The following FARP2 variants were observed in gnomAD, a reference collection of about 807,000 sequenced individuals.
The protein encoded by FARP2 is FERM, ARHGEF and pleckstrin domain-containing protein 2.
A neutral mutation model predicts 130.5 loss-of-function variants in FARP2; 111 were observed. The ratio of observed to expected loss-of-function variants is 0.85; its 90% CI spans 0.73 to 1.00. The LOEUF (loss-of-function observed/expected upper bound fraction) is 1.00. Ranked by LOEUF, FARP2 falls within the 50% of genes least tolerant of loss-of-function variation. FARP2 has a pLI of 0.00. For missense variants in FARP2, 1,385 were observed against 1,346.3 expected, an observed-to-expected ratio of 1.03 and a Z score of -0.45; for synonymous variants, 504 against 516.9, an observed-to-expected ratio of 0.98 and a Z score of 0.34.
Position 241,442,732 on chromosome 2 carries a change from C to G in FARP2, c.1411+1176C>G, listed in dbSNP as rs111709784. On this transcript the variant is annotated intron_variant, in intron 13 of 26. Coordinates refer to ENST00000264042, the MANE Select transcript of FARP2 (RefSeq NM_014808.4). ...ACTTGGAATGACGTAAAAGCTATGC[C>G]TCCGGTCTTAGACCTGAGTACTCCA... is the stretch of plus-strand genomic sequence containing the variant. 4.7e-3 allele frequency: 1,585 copies of G among 337,716 alleles called. 25 individuals carry two copies. The highest frequency in any genetic ancestry group is 0.032 in the African/African-American group (1,495 of 46,470). The allele number at this position is 337,716 out of a possible 1,614,324, so 20.9% of individuals were successfully genotyped here.
At chr2:241,365,898 A>G (rs926595815) in intron 1 of FARP2, among the ~76,000 whole-genome samples, 1 of 151,006 alleles carries the variant, frequency 6.6e-6, no homozygotes, top group Admixed American at 6.6e-5. Context: ...AACACCGTGT[A>G]CAGTTTCCAA....
At chr2:241,385,668 C>T (rs184724594) in intron 2 of FARP2, among the ~76,000 whole-genome samples, 14 of 151,978 alleles carry the variant, frequency 9.2e-5, no homozygotes, top group African/African-American at 2.9e-4. Context: ...TGCAGTGAGC[C>T]GTGATTGCAC....
At chr2:241,399,394 T>G (rs573998840) in intron 2 of FARP2, among the ~76,000 whole-genome samples, 2 of 152,294 alleles carry the variant, frequency 1.3e-5, no homozygotes, top group East Asian at 3.9e-4. Flanking sequence ...CAACCTCCAC[T>G]CCCAGGTTCA....
rs1310567835 is a variant in FARP2, at chr2:241,368,908, C to T, written c.-24-4176C>T. ...ATCTTAAAGCTGAGTAATTATTAAA[C>T]GGATAGTTTATGCCACGTTACTATT... is the stretch of plus-strand genomic sequence containing the variant. On this transcript the variant is annotated intron_variant, in intron 1 of 26. Transcript: ENST00000264042. Among the ~76,000 whole-genome samples, 79 of 152,178 alleles carry T rather than the reference C, an allele frequency of 5.2e-4. 1 individual carries two copies. The highest frequency in any genetic ancestry group is 5.9e-5 in the Non-Finnish European group (4 of 68,018).
At chr2:241,374,468 G>T (rs1015038473) in intron 2 of FARP2, among the ~76,000 whole-genome samples, 1 of 152,284 alleles carries the variant, frequency 6.6e-6, no homozygotes, top group African/African-American at 2.4e-5. Flanking sequence ...ACTAGCAGGA[G>T]GTTTATTTAC....
intron 2 of FARP2, among the ~76,000 whole-genome samples, chr2:241,392,559 A>T (rs2061932719): frequency 6.6e-6 from 1 of 152,164 alleles, no homozygotes; most frequent in African/African-American, 2.4e-5. Context: ...GAGATGATTT[A>T]TCTGCCAGTT....
At chr2:241,481,545 G>A (rs999937111) in intron 19 of FARP2, among the ~76,000 whole-genome samples, 1 of 152,252 alleles carries the variant, frequency 6.6e-6, no homozygotes, top group Non-Finnish European at 1.5e-5. Context: ...CACTTTGGGA[G>A]TCTGGGCTTT....
chr2:241,490,492 C>A (rs1203126175), intron 22 of FARP2, among the ~76,000 whole-genome samples: 2 of 152,246 alleles, frequency 1.3e-5, no homozygotes, highest in Admixed American at 6.5e-5. Context: ...TATAGACTCA[C>A]ATGAGGCAGC....
At chr2:241,451,561 T>C (rs1559783477) in intron 13 of FARP2, among the ~76,000 whole-genome samples, 1 of 152,170 alleles carries the variant, frequency 6.6e-6, no homozygotes. Flanking sequence ...TTGTATATGA[T>C]ACGAATTTTA....
At chr2:241,442,051 G>A (rs759358426) in intron 13 of FARP2, 70 of 361,718 alleles carry the variant, frequency 1.9e-4, no homozygotes, top group African/African-American at 1.3e-3. Flanking sequence ...CAATGGGAAC[G>A]CACACCCCTC....
At chr2:241,387,985 A>AT (rs2061827597) in intron 2 of FARP2, among the ~76,000 whole-genome samples, 1 of 152,186 alleles carries the variant, frequency 6.6e-6, no homozygotes, top group Non-Finnish European at 1.5e-5. Flanking sequence ...TATTGTTAAG[A>AT]TGGCAATACT....
At chr2:241,486,897 C>T (rs1020758942) in intron 21 of FARP2, among the ~76,000 whole-genome samples, 3 of 152,322 alleles carry the variant, frequency 2.0e-5, no homozygotes, top group Admixed American at 6.5e-5. Flanking sequence ...AAGTGCTAGG[C>T]ACCTGTCTCT....
At chr2:241,400,784 A>G (rs2062146498) in intron 2 of FARP2, among the ~76,000 whole-genome samples, 2 of 152,168 alleles carry the variant, frequency 1.3e-5, no homozygotes, top group Admixed American at 1.3e-4. Context: ...GTGATCCTGG[A>G]TGGAAGTGTG....
chr2:241,468,510 T>C, intron 18 of FARP2, 133 bp downstream of exon 18: 2 of 673,780 alleles, frequency 3.0e-6, no homozygotes, highest in Non-Finnish European at 5.2e-6. Flanking sequence ...TGGACCACAG[T>C]GGTCAGCATT....
At chr2:241,478,902 T>G in intron 19 of FARP2, 1 of 393,808 alleles carries the variant, frequency 2.5e-6, no homozygotes, top group Non-Finnish European at 4.9e-6. Context: ...CTCTATGTGG[T>G]GTCCAAGAAA....
At chr2:241,396,112 G>C (rs2062021842) in intron 2 of FARP2, 4 of 152,062 alleles carry the variant, frequency 2.6e-5, no homozygotes, top group Admixed American at 6.6e-5. Flanking sequence ...AAATGGTGCT[G>C]GGAAAACTGG....
chr2:241,464,441 AC>A (rs2064114680), intron 17 of FARP2, among the ~76,000 whole-genome samples: 1 of 138,940 alleles, frequency 7.2e-6, no homozygotes, highest in Non-Finnish European at 1.6e-5. Flanking sequence ...AGAGCAGGGG[AC>A]CCCTCAAAAC....
intron 17 of FARP2, chr2:241,465,787 TG>T: frequency 6.5e-7 from 1 of 1,550,148 alleles, no homozygotes; most frequent in Admixed American, 2.0e-5. Context: ...ATCCCTCGCC[TG>T]TCCCACCTTC....
intron 22 of FARP2, 33 bp from the exon 23 acceptor site, chr2:241,491,028 C>A: frequency 1.3e-6 from 2 of 1,519,348 alleles, no homozygotes; most frequent in Non-Finnish European, 1.8e-6. Flanking sequence ...CAAGGAAGAG[C>A]AGAGCCACTG....
Sources: allele counts gnomAD v4.1 joint callset (sites outside exome capture counted in the v4.1 genomes callset), GRCh38; gene constraint gnomAD v4.1.1; transcripts MANE v1.5; gene names NCBI Gene and HGNC (gene_info 2026-07-23, HGNC 2026-07-21).